SYT16: variants seen among roughly 807,000 people sequenced by gnomAD.
SYT16 encodes synaptotagmin 16, also known as synaptotagmin-16.
SYT16 carries 42 observed loss-of-function variants against 61.4 expected under a neutral mutation model. The observed-to-expected ratio is 0.68, with a 90% CI of 0.53 to 0.89. SYT16 has a LOEUF of 0.89. Among genes scored for constraint, SYT16 ranks in the 40% least tolerant of loss-of-function variants. SYT16 has a pLI of 0.00. For missense variants in SYT16, 804 were observed against 807.3 expected, an observed-to-expected ratio of 1.00 and a Z score of 0.05; for synonymous variants, 314 against 302.3, an observed-to-expected ratio of 1.04 and a Z score of -0.40.
At position 62,100,839 on chromosome 14, in the gene SYT16, G is replaced by A; in HGVS notation, c.*132G>A. On this transcript the variant is annotated 3_prime_UTR_variant, in exon 8 of 8. Transcript: ENST00000683842. Reference sequence around the variant, plus strand: ...CACTAACCCCTAGGACATTGTGAGTGGGAGTTTTGGGTTTCTCAATGGTCT... The same window carrying A: ...CACTAACCCCTAGGACATTGTGAGTAGGAGTTTTGGGTTTCTCAATGGTCT... 1 of 872,962 alleles carries A rather than the reference G, an allele frequency of 1.1e-6. No homozygotes were observed. The highest frequency in any genetic ancestry group is 1.7e-6 in the Non-Finnish European group (1 of 586,064). The allele number at this position is 872,962 out of a possible 1,614,324, so 54.1% of individuals were successfully genotyped here. A position where few individuals can be genotyped will look rare whatever the true frequency, so the allele number is the denominator to read the frequency against.
chr14:62,030,262 T>C (rs2054262898), intron 3 of SYT16, among the ~76,000 whole-genome samples: 1 of 152,190 alleles, frequency 6.6e-6, no homozygotes, highest in Non-Finnish European at 1.5e-5. Context: ...TTTGATCAAT[T>C]CCTTTTCAGT....
chr14:61,913,085 T>C (rs906279741), intron 1 of SYT16, among the ~76,000 whole-genome samples: 1 of 152,202 alleles, frequency 6.6e-6, no homozygotes, highest in Non-Finnish European at 1.5e-5. Context: ...TCCCTCCCTA[T>C]CCTGTGGACA....
intron 7 of SYT16, among the ~76,000 whole-genome samples, chr14:62,087,120 A>G (rs1566837099): frequency 6.6e-6 from 1 of 152,242 alleles, no homozygotes; most frequent in Admixed American, 6.5e-5. Flanking sequence ...TGACAGTTAC[A>G]TGGCAAGCTT....
Position 61,826,970 on chromosome 14 carries a change from G to A in SYT16, c.-325+14160G>A, listed in dbSNP as rs536493898. 1.2e-3 allele frequency among the ~76,000 whole-genome samples: 188 copies of A among 151,970 alleles called. 4 individuals carry two copies. The highest frequency in any genetic ancestry group is 4.3e-3 in the African/African-American group (176 of 41,296). On this transcript the variant is annotated intron_variant, in intron 1 of 7. Coordinates refer to ENST00000683842, the MANE Select transcript of SYT16 (RefSeq NM_001367656.1). ...AGCTCTCGTGTTTTTTCCACTCTGC[G>A]GAAGCCCACCAGTTCCATTAAATTA...
intron 1 of SYT16, among the ~76,000 whole-genome samples, chr14:61,834,243 G>A (rs932230366): frequency 6.6e-6 from 1 of 151,762 alleles, no homozygotes; most frequent in Admixed American, 6.6e-5. Flanking sequence ...CAATTCTCCT[G>A]CCTCAGCCTC....
intron 3 of SYT16, among the ~76,000 whole-genome samples, chr14:62,027,323 G>A (rs72718568): frequency 0.078 from 11,868 of 152,106 alleles, 588 homozygotes; most frequent in East Asian, 0.12. Context: ...ATCGATGTAG[G>A]ACCAAGAAAG....
chr14:61,882,678 C>T (rs2047743525), intron 1 of SYT16, among the ~76,000 whole-genome samples: 1 of 152,162 alleles, frequency 6.6e-6, no homozygotes, highest in South Asian at 2.1e-4. Flanking sequence ...GATCTTAGCT[C>T]ATTCCAGCAT....
intron 3 of SYT16, among the ~76,000 whole-genome samples, chr14:62,017,703 A>T (rs1225562422): frequency 6.6e-6 from 1 of 150,508 alleles, no homozygotes; most frequent in Non-Finnish European, 1.5e-5. Flanking sequence ...GCTTTAAGCA[A>T]CCATTATTCT....
chr14:62,034,654 C>T lies in SYT16; in HGVS notation c.524-34949C>T, dbSNP rs2140820583. 1.3e-5 allele frequency among the ~76,000 whole-genome samples: 2 copies of T among 152,014 alleles called. 1 individual carries two copies. Among genetic ancestry groups the T allele is most frequent in the South Asian group, 4.2e-4 (2 of 4,802 alleles). On this transcript the variant is annotated intron_variant, in intron 3 of 7. Transcript: ENST00000683842. ...TATGCAATGTCCACAATAGGCCATTCCATATAGGCAGGAAGTAGATTATGC... is the reference window on the plus strand; with the variant it reads ...TATGCAATGTCCACAATAGGCCATTTCATATAGGCAGGAAGTAGATTATGC...
chr14:61,964,917 A>G (rs545092457), intron 1 of SYT16, among the ~76,000 whole-genome samples: 1 of 151,932 alleles, frequency 6.6e-6, no homozygotes, highest in African/African-American at 2.4e-5. Context: ...TTTTAGCAAT[A>G]AAGTATTTTT....
At position 62,081,553 on chromosome 14, in the gene SYT16, G is replaced by A. The variant is rs575933874; in HGVS notation, c.1434+279G>A. Reference sequence around the variant, plus strand: ...TGGAGAAAAACAGGGAAGGTGGCTTGGCCCTCTGGATTGTGGATAACTGAT... The same window carrying A: ...TGGAGAAAAACAGGGAAGGTGGCTTAGCCCTCTGGATTGTGGATAACTGAT... On this transcript the variant is annotated intron_variant, in intron 6 of 7. Coordinates refer to ENST00000683842, the MANE Select transcript of SYT16 (RefSeq NM_001367656.1). Among the ~76,000 whole-genome samples the A allele has an allele frequency of 2.6e-5, 4 of 152,260 alleles. No individual in the cohort carries two copies. In the South Asian group the frequency reaches 8.3e-4, roughly 32 times the overall value.
chr14:62,099,304 A>G (rs2057358438), intron 7 of SYT16, among the ~76,000 whole-genome samples: 1 of 152,228 alleles, frequency 6.6e-6, no homozygotes, highest in Non-Finnish European at 1.5e-5. Context: ...TGCAGTGTAC[A>G]CAGAGTTCAG....
At chr14:62,064,729 T>C (rs2055984278) in intron 3 of SYT16, among the ~76,000 whole-genome samples, 1 of 152,158 alleles carries the variant, frequency 6.6e-6, no homozygotes, top group South Asian at 2.1e-4. Flanking sequence ...CTGTGGCAAG[T>C]TATTAACCTC....
At chr14:61,939,486 C>A (rs1054245923) in intron 1 of SYT16, among the ~76,000 whole-genome samples, 11 of 152,166 alleles carry the variant, frequency 7.2e-5, no homozygotes, top group African/African-American at 2.2e-4. Flanking sequence ...TCAAGGTGTC[C>A]GCATGATTGG....
intron 3 of SYT16, among the ~76,000 whole-genome samples, chr14:62,022,513 T>C (rs368499006): frequency 7.2e-5 from 11 of 152,238 alleles, no homozygotes; most frequent in South Asian, 4.1e-4. Flanking sequence ...TTTATTTATC[T>C]TGATTTCGTG....
rs2057408896 is a variant in SYT16, at chr14:62,101,134, CA to C, written c.*431del. 6.4e-6 allele frequency: 1 copy of C among 155,706 alleles called. No homozygotes were observed. Among genetic ancestry groups the C allele is most frequent in the African/African-American group, 2.4e-5 (1 of 41,440 alleles). 9.6% of individuals were successfully genotyped at this position (155,706 alleles called of 1,614,324 possible). The stretch of plus-strand genomic sequence containing the variant: ...TTTCTTAATATGGTACAAAAAACTC[CA>C]AAATATAGATATGAATCAGATGCTG... On this transcript the variant is annotated 3_prime_UTR_variant, in exon 8 of 8. Transcript: ENST00000683842.
intron 7 of SYT16, among the ~76,000 whole-genome samples, chr14:62,096,767 C>G (rs907700368): frequency 2.0e-5 from 3 of 152,028 alleles, no homozygotes; most frequent in Admixed American, 6.6e-5. Flanking sequence ...TGGACAGGAT[C>G]CCAAAGAGGG....
chr14:62,074,833 T>C (rs1339705552), intron 4 of SYT16, among the ~76,000 whole-genome samples: 1 of 152,180 alleles, frequency 6.6e-6, no homozygotes, highest in African/African-American at 2.4e-5. Flanking sequence ...AGAAGTCTTG[T>C]GGTCATTAGC....
intron 1 of SYT16, among the ~76,000 whole-genome samples, chr14:61,963,246 C>A (rs2140506786): frequency 6.6e-6 from 1 of 152,260 alleles, no homozygotes; most frequent in East Asian, 1.9e-4. Context: ...AATTATTATA[C>A]TTCATGAGCA....
Sources: allele counts gnomAD v4.1 joint callset (sites outside exome capture counted in the v4.1 genomes callset), GRCh38; gene constraint gnomAD v4.1.1; transcripts MANE v1.5; gene names NCBI Gene and HGNC (gene_info 2026-07-23, HGNC 2026-07-21).